The following GPR107 variants were observed in gnomAD, a reference collection of about 807,000 sequenced individuals.
GPR107 encodes the protein G protein-coupled receptor 107.
Under a neutral mutation model 75.5 loss-of-function variants are expected in GPR107, and 31 were observed. The ratio of observed to expected loss-of-function variants is 0.41; its 90% CI spans 0.31 to 0.55. GPR107 has a LOEUF of 0.55. Ranked by LOEUF, GPR107 falls within the 20% of genes least tolerant of loss-of-function variation. The pLI is 0.26. For missense variants in GPR107, 572 were observed against 665.7 expected, an observed-to-expected ratio of 0.86 and a Z score of 1.55; for synonymous variants, 267 against 251.3, an observed-to-expected ratio of 1.06 and a Z score of -0.59.
intron 10 of GPR107, 117 bp downstream of exon 10, chr9:130,099,649 T>A: frequency 3.1e-6 from 2 of 648,342 alleles, no homozygotes; most frequent in Non-Finnish European, 2.8e-6. Context: ...AAAGAATACA[T>A]TTCTCATAAA....
At chr9:130,107,071 T>C (rs1361537427) in intron 13 of GPR107, among the ~76,000 whole-genome samples, 3 of 152,216 alleles carry the variant, frequency 2.0e-5, no homozygotes, top group Non-Finnish European at 2.9e-5. Flanking sequence ...TGGTGCTGTA[T>C]GTTCACAGCT....
intron 4 of GPR107, among the ~76,000 whole-genome samples, chr9:130,078,106 G>A (rs4837455): frequency 0.92 from 140,196 of 151,858 alleles, 64,858 homozygotes; most frequent in East Asian, 1. Context: ...CGGAGCTTGC[G>A]GTGAGCCGAG....
intron 1 of GPR107, among the ~76,000 whole-genome samples, chr9:130,071,193 T>C (rs1366013889): frequency 1.4e-5 from 2 of 144,466 alleles, no homozygotes; most frequent in East Asian, 2.0e-4. Flanking sequence ...ACTGGCTAAT[T>C]TTTTTTTTTT....
intron 1 of GPR107, 92 bp from the exon 2 acceptor site, chr9:130,075,544 C>G: frequency 1.4e-6 from 1 of 708,338 alleles, no homozygotes; most frequent in East Asian, 2.8e-5. Context: ...CCGTGCCCAG[C>G]CTGATATCAT....
rs75498346 is a variant in GPR107, at chr9:130,101,871, C to G, written c.1131+648C>G. On this transcript the variant is annotated intron_variant, in intron 12 of 17. Coordinates refer to ENST00000347136, the MANE Select transcript of GPR107 (RefSeq NM_020960.5). ...GACAGAGTTGTCCCTGTGAACTTTT[C>G]TCACATTTTGGAGCACAAAGTAAAT... Among the ~76,000 whole-genome samples, 23 of 152,318 alleles carry G rather than the reference C, an allele frequency of 1.5e-4. No homozygotes were observed. The East Asian group carries it at 4.1e-3, about 27-fold the overall frequency.
At chr9:130,122,353 C>A (rs886521445) in intron 14 of GPR107, among the ~76,000 whole-genome samples, 8 of 152,146 alleles carry the variant, frequency 5.3e-5, no homozygotes. Flanking sequence ...ATGAGCTGGT[C>A]ATTTCATTGT....
At chr9:130,060,402 G>GTTTTTTTTTTTTTTTTTTTTTTTTTTTTT in intron 1 of GPR107, among the ~76,000 whole-genome samples, 1 of 75,906 alleles carries the variant, frequency 1.3e-5, no homozygotes, top group Non-Finnish European at 2.4e-5. Context: ...GATAATCCGA[G>GTTTTTTTTTTTTTTTTTTTTTTTTTTTTT]TTTTTTTTTT....
intron 4 of GPR107, among the ~76,000 whole-genome samples, chr9:130,077,636 G>A (rs913938935): frequency 3.3e-5 from 5 of 152,216 alleles, no homozygotes; most frequent in African/African-American, 1.2e-4. Flanking sequence ...CTTCAGATAA[G>A]TGTTGGCCCA....
chr9:130,056,641 T>C (rs1399560607), intron 1 of GPR107, among the ~76,000 whole-genome samples: 1 of 150,512 alleles, frequency 6.6e-6, no homozygotes, highest in African/African-American at 2.4e-5. Flanking sequence ...AGTTCACAAA[T>C]TTGGCTGGGC....
Position 130,139,037 on chromosome 9 carries a change from T to C in GPR107, c.*3916T>C, listed in dbSNP as rs556145750. ...GCTGCTGTACTTCAAAGGAAACAGA[T>C]CTAGCACACTGCTGCACCCCTGCTT... On this transcript the variant is annotated 3_prime_UTR_variant, in exon 18 of 18. Transcript: ENST00000347136. 2.0e-5 allele frequency: 3 copies of C among 152,264 alleles called. No homozygotes were observed. The highest frequency in any genetic ancestry group is 4.2e-4 in the South Asian group (2 of 4,816). 9.4% of individuals were successfully genotyped at this position (152,264 alleles called of 1,614,324 possible). A position where few individuals can be genotyped will look rare whatever the true frequency, so the allele number is the denominator to read the frequency against.
chr9:130,092,154 TCTTAAG>T (rs2132592433), intron 8 of GPR107, 88 bp from the exon 9 acceptor site: 1 of 1,107,210 alleles, frequency 9.0e-7, no homozygotes, highest in South Asian at 1.4e-5. Context: ...GTACTTACTT[TCTTAAG>T]CTTAAGTGAA....
intron 9 of GPR107, among the ~76,000 whole-genome samples, chr9:130,098,018 A>T (rs1830921014): frequency 6.6e-6 from 1 of 152,068 alleles, no homozygotes; most frequent in Admixed American, 6.6e-5. Flanking sequence ...AGTAGCTGGG[A>T]CTACAGGTGT....
At chr9:130,104,664 A>T (rs937227083) in intron 13 of GPR107, 114 bp downstream of exon 13, 3 of 861,068 alleles carry the variant, frequency 3.5e-6, no homozygotes, top group Middle Eastern at 3.5e-4. Context: ...TTAAAAGTAC[A>T]GCTTTCTGAG....
chr9:130,068,992 G>T (rs892562171), intron 1 of GPR107, among the ~76,000 whole-genome samples: 2 of 151,868 alleles, frequency 1.3e-5, no homozygotes, highest in African/African-American at 4.8e-5. Flanking sequence ...TGCCTGCCTC[G>T]GCCTCCCAAA....
At chr9:130,121,418 T>C (rs1831544129) in intron 14 of GPR107, among the ~76,000 whole-genome samples, 2 of 152,228 alleles carry the variant, frequency 1.3e-5, no homozygotes, top group African/African-American at 2.4e-5. Context: ...AAAGCTGTCC[T>C]GGGGCGCAGG....
intron 14 of GPR107, among the ~76,000 whole-genome samples, chr9:130,109,613 A>G (rs965988149): frequency 7.1e-6 from 1 of 141,656 alleles, no homozygotes; most frequent in African/African-American, 2.7e-5. Flanking sequence ...ACTGTCTGCC[A>G]GGCTGGAGTG....
chr9:130,093,271 G>A (rs1162758991), intron 9 of GPR107, among the ~76,000 whole-genome samples: 2 of 152,082 alleles, frequency 1.3e-5, no homozygotes, highest in Admixed American at 6.6e-5. Flanking sequence ...GGGAGCAGCT[G>A]CATATGCGTG....
Position 130,091,059 on chromosome 9 carries a change from G to T in GPR107, c.729+76G>T, listed in dbSNP as rs763155951. 1,290 of 702,400 alleles carry T rather than the reference G, an allele frequency of 1.8e-3. 18 individuals carry two copies. The highest frequency in any genetic ancestry group is 3.7e-3 in the Middle Eastern group (16 of 4,282). The allele number at this position is 702,400 out of a possible 1,614,324, so 43.5% of individuals were successfully genotyped here. On this transcript the variant is annotated intron_variant, in intron 8 of 17. Coordinates refer to ENST00000347136, the MANE Select transcript of GPR107 (RefSeq NM_020960.5). ...GGAGATTTGTTTCTGTATAAGATTA[G>T]ATTTTAAGAATACTTAAGAAAAGAA...
chr9:130,058,763 C>T (rs1421160797), intron 1 of GPR107, among the ~76,000 whole-genome samples: 1 of 152,230 alleles, frequency 6.6e-6, no homozygotes, highest in Non-Finnish European at 1.5e-5. Flanking sequence ...CTGCGCCCGG[C>T]CGATAGGTAG....
Sources: gnomAD v4.1 joint callset for allele counts (sites outside exome capture counted in the v4.1 genomes callset) on GRCh38, gnomAD v4.1.1 for gene constraint, MANE v1.5 for transcripts, NCBI Gene and HGNC (gene_info 2026-07-23, HGNC 2026-07-21) for gene names.